The following DHX58 variants were observed in gnomAD, a reference collection of about 807,000 sequenced individuals.
DHX58 encodes DExH-box helicase 58.
DHX58 carries 51 observed loss-of-function variants against 65.0 expected under a neutral mutation model. The observed-to-expected ratio is 0.78, with a 90% CI of 0.63 to 0.99. The LOEUF is 0.99. DHX58 is among the 50% of genes least tolerant of loss of function. The probability of loss-of-function intolerance (pLI) is 0.00; values close to 1 mark genes in which losing one functional copy is unlikely to be tolerated. For synonymous variants in DHX58, 350 were observed against 365.0 expected (o/e 0.96, Z 0.47); for missense variants, 773 against 891.8 (o/e 0.87, Z 1.70).
At chr17:42,106,145 T>G (rs1555662621) in intron 8 of DHX58, among the ~76,000 whole-genome samples, 156 bp from the exon 9 acceptor site, 3 of 130,684 alleles carry the variant, frequency 2.3e-5, no homozygotes, top group Admixed American at 8.6e-5. Context: ...TGTAACAGAG[T>G]GAGACTCTGT....
intron 11 of DHX58, 122 bp downstream of exon 11, chr17:42,104,643 TG>T: frequency 2.2e-6 from 3 of 1,344,876 alleles, no homozygotes; most frequent in Non-Finnish European, 3.0e-6. Context: ...CTTCCCTAGG[TG>T]GCCAAAGTTA....
chr17:42,110,778 G>A lies in DHX58; in HGVS notation c.506C>T (p.Ser169Phe), dbSNP rs377446820. The A allele has an allele frequency of 2.5e-6, 4 of 1,613,592 alleles. No homozygotes were observed. Among genetic ancestry groups the A allele is most frequent in the South Asian group, 1.1e-5 (1 of 91,000 alleles). Residue 169 changes from serine (S) to phenylalanine (F), a missense_variant, in exon 5 of 14, where the codon TCC becomes TTC. Transcript: ENST00000251642. ...TTTGGAGGCCCCGCCAGTGCCTGGG[G>A]AGGCTGTGAGACCCAGCACCTGGGG... ...PLPQVLGLTA[S>F]PGTGGASKLD... is the part of the protein sequence containing the mutation.
In DHX58 at chr17:42,103,653, C is replaced by T. The variant is rs939142574; in HGVS notation, c.1709G>A (p.Arg570Gln). 6.2e-6 allele frequency: 10 copies of T among 1,614,004 alleles called. No individual in the cohort carries two copies. The highest frequency in any genetic ancestry group is 1.7e-4 in the Middle Eastern group (1 of 6,052). ...GACATGGTGGGTGCCCTCCACCTTCCGCAGGTCGCTGCCATGGCCCACAGC... is the reference window on the plus strand; with the variant it reads ...GACATGGTGGGTGCCCTCCACCTTCTGCAGGTCGCTGCCATGGCCCACAGC... ...MVAVGHGSDL[R>Q]KVEGTHHVNV... Residue 570 changes from arginine (R) to glutamine (Q), a missense_variant, in exon 12 of 14, where the codon CGG (arginine) becomes CAG (glutamine). Arg to Gln is a conservative substitution (Grantham distance 43, BLOSUM62 1). Coordinates refer to ENST00000251642, the MANE Select transcript of DHX58 (RefSeq NM_024119.3).
chr17:42,108,761 G>A (rs1555663422), intron 6 of DHX58, among the ~76,000 whole-genome samples: 1 of 151,396 alleles, frequency 6.6e-6, no homozygotes, highest in African/African-American at 2.4e-5. Flanking sequence ...GATAAAGGTG[G>A]ACAGTGTGAG....
intron 8 of DHX58, among the ~76,000 whole-genome samples, chr17:42,107,204 A>C (rs782196251): frequency 6.6e-6 from 1 of 152,086 alleles, no homozygotes; most frequent in East Asian, 1.9e-4. Context: ...TCTTCAAAAA[A>C]AATTTTTTTT....
Position 42,110,914 on chromosome 17 carries a change from CT to C in DHX58, c.371-2del. 6.2e-7 allele frequency: 1 copy of C among 1,601,804 alleles called. No individual in the cohort carries two copies. Among genetic ancestry groups the C allele is most frequent in the South Asian group, 1.1e-5 (1 of 89,666 alleles). On this transcript the variant is annotated splice_acceptor_variant, in intron 4 of 13. Coordinates refer to ENST00000251642, the MANE Select transcript of DHX58 (RefSeq NM_024119.3). LOFTEE classifies it high-confidence loss of function. ...TCATCCACCACGATCAGGGAGAAGA[CT>C]GAGGGCACAGGGGGGAAGGCTGTGA...
chr17:42,104,689 T>A, intron 11 of DHX58, 77 bp downstream of exon 11: 1 of 1,563,374 alleles, frequency 6.4e-7, no homozygotes, highest in Non-Finnish European at 8.7e-7. Flanking sequence ...GGGACGTATG[T>A]GTGCAGTCAG....
At chr17:42,102,800 C>CT (rs1161140416) in intron 12 of DHX58, 2,308 of 143,630 alleles carry the variant, frequency 0.016, 65 homozygotes, top group African/African-American at 0.054. Flanking sequence ...ACTGGTGTCG[C>CT]TTTTTTTTTT....
rs782720755 is a variant in DHX58 at position 42,103,762 on chromosome 17, C to T, written c.1600G>A (p.Ala534Thr). 2 of 1,611,010 alleles carry T rather than the reference C, an allele frequency of 1.2e-6. No homozygotes were observed. The highest frequency in any genetic ancestry group is 1.7e-6 in the Non-Finnish European group (2 of 1,179,966). The change falls in exon 12 of 14, where the codon GCG (alanine) becomes ACG (threonine). Residue 534 changes from alanine (A) to threonine (T), a missense_variant. By Grantham distance (58) the Ala-to-Thr change is moderately conservative. Coordinates refer to ENST00000251642, the MANE Select transcript of DHX58 (RefSeq NM_024119.3). ...TTCTCCCGCTGGGCTGCCTGGGCCG[C>T]CCGCTTGGTCAAGGCTGCCTGCTGC... ...DLQQAALTKR[A>T]AQAAQRENQR...
chr17:42,111,579 T>C (rs2054156187), intron 3 of DHX58, 82 bp from the exon 4 acceptor site: 47 of 1,589,816 alleles, frequency 3.0e-5, no homozygotes, highest in Non-Finnish European at 3.9e-5. Flanking sequence ...CCGCAGGACA[T>C]GGCTGGGTAC....
rs549639716 is a variant in DHX58, at chr17:42,106,868, C to T, written c.997+736G>A. Among the ~76,000 whole-genome samples the T allele has an allele frequency of 9.3e-4, 141 of 152,130 alleles. 1 individual carries two copies. The South Asian group carries it at 0.029, about 31-fold the overall frequency. ...CCCACTCTCAAGGCCAGCCTCACAC[C>T]GGGGTCATACAGTACAGAACCTCAG... On this transcript the variant is annotated intron_variant, in intron 8 of 13. Coordinates refer to ENST00000251642, the MANE Select transcript of DHX58 (RefSeq NM_024119.3).
rs782442222 is a variant in DHX58, at chr17:42,105,112, A to C, written c.1307T>G (p.Val436Gly). 3.7e-6 allele frequency: 6 copies of C among 1,613,906 alleles called. No homozygotes were observed. Among genetic ancestry groups the C allele is most frequent in the Non-Finnish European group, 5.1e-6 (6 of 1,179,992 alleles). The change falls in exon 10 of 14, where the codon GTG becomes GGG. Residue 436 changes from valine (V) to glycine (G), a missense_variant. Physicochemically the swap from Val to Gly is moderately radical, Grantham distance 109. Transcript: ENST00000251642. The part of the protein sequence containing the change: ...KFQDGTLNLL[V>G]ATSVAEEGLD... ...CCCCTCCTCCGCCACACTCGTGGCC[A>C]CCAGAAGGTTCAGGGTTCCATCTTG...
Position 42,103,749 on chromosome 17 carries a change from G to T in DHX58, c.1613C>A (p.Ala538Asp). Residue 538 changes from alanine to aspartate, a missense_variant, in exon 12 of 14, where the codon GCC becomes GAC. Physicochemically the swap from Ala to Asp is moderately radical, Grantham distance 126 (BLOSUM62 -2). Coordinates refer to ENST00000251642, the MANE Select transcript of DHX58 (RefSeq NM_024119.3). Reference protein sequence around the residue: ...AALTKRAAQAAQRENQRQQFP... With the variant: ...AALTKRAAQADQRENQRQQFP... ...CTGCTGCCGCTGGTTCTCCCGCTGG[G>T]CTGCCTGGGCCGCCCGCTTGGTCAA... 1 of 1,612,440 alleles carries T rather than the reference G, an allele frequency of 6.2e-7. No homozygotes were observed.
intron 2 of DHX58, 25 bp downstream of exon 2, chr17:42,112,088 G>GC (rs1421198211): frequency 6.2e-6 from 4 of 640,164 alleles, no homozygotes; most frequent in East Asian, 5.9e-5. Context: ...GGCTACACCT[G>GC]CCCCCTGCCC....
Position 42,101,621 on chromosome 17 carries a change from TAAG to T in DHX58, c.*137_*139del. Reference sequence around the variant, plus strand: ...CGGTTGTTTTCCCATTGCGGGAGCCTAAGCCAGGGTGCCCAGGACTCCTGTGTG... The same window carrying T: ...CGGTTGTTTTCCCATTGCGGGAGCCTCCAGGGTGCCCAGGACTCCTGTGTG... On this transcript the variant is annotated 3_prime_UTR_variant, in exon 14 of 14. Transcript: ENST00000251642. 1 of 1,197,996 alleles carries T rather than the reference TAAG, an allele frequency of 8.3e-7. No homozygotes were observed. Among genetic ancestry groups the T allele is most frequent in the Non-Finnish European group, 1.2e-6 (1 of 857,606 alleles). The allele number at this position is 1,197,996 out of a possible 1,614,324, so 74.2% of individuals were successfully genotyped here. A position where few individuals can be genotyped will look rare whatever the true frequency, so the allele number is the denominator to read the frequency against.
intron 8 of DHX58, among the ~76,000 whole-genome samples, chr17:42,106,549 G>A (rs1555662723): frequency 6.6e-6 from 1 of 152,092 alleles, no homozygotes; most frequent in Non-Finnish European, 1.5e-5. Context: ...TGTAATCCCA[G>A]CACTTTGGGA....
At position 42,111,382 on chromosome 17, in the gene DHX58, C is replaced by T. The variant is rs35118457; in HGVS notation, c.284G>A (p.Arg95Gln). The T allele has an allele frequency of 0.053, 85,091 of 1,614,138 alleles. 2,494 individuals are homozygous for T. The highest frequency in any genetic ancestry group is 0.06 in the Non-Finnish European group (70,356 of 1,180,004). ...TGTGCAGATGAGCAGGTCATGGCAC[C>T]GGGCCAGGTGGCCAAAGCCAGCACG... is the stretch of plus-strand genomic sequence containing the variant. ...GPRAGFGHLA[R>Q]CHDLLICTAE... Residue 95 changes from arginine (R) to glutamine (Q), a missense_variant, in exon 4 of 14, where the codon CGG becomes CAG. Arg to Gln is a conservative substitution (Grantham distance 43). Coordinates refer to ENST00000251642, the MANE Select transcript of DHX58 (RefSeq NM_024119.3).
At chr17:42,112,409 G>T in intron 1 of DHX58, 196 bp downstream of exon 1, 1 of 290,272 alleles carries the variant, frequency 3.4e-6, no homozygotes, top group African/African-American at 2.2e-5. Context: ...TTCTGGGAAT[G>T]GCAGGGGACT....
At chr17:42,110,342 G>A (rs2054130550) in intron 5 of DHX58, among the ~76,000 whole-genome samples, 1 of 152,202 alleles carries the variant, frequency 6.6e-6, no homozygotes. Flanking sequence ...GGAGGAGGCA[G>A]CAGGAAAAGT....
Sources: allele counts gnomAD v4.1 joint callset (sites outside exome capture counted in the v4.1 genomes callset), GRCh38; gene constraint gnomAD v4.1.1; transcripts MANE v1.5; gene names NCBI Gene and HGNC (gene_info 2026-07-23, HGNC 2026-07-21).